The following DCT variants were observed in gnomAD, a reference collection of about 807,000 sequenced individuals.
DCT encodes L-dopachrome tautomerase.
A neutral mutation model predicts 53.0 loss-of-function variants in DCT; 47 were observed. That is an observed-to-expected ratio of 0.89 (90% CI 0.70 to 1.13). The LOEUF (loss-of-function observed/expected upper bound fraction) is 1.13, where lower values mean the gene tolerates loss of function less well. Among genes scored for constraint, DCT ranks in the 50% most tolerant of loss-of-function variants. DCT has a pLI of 0.00. For missense variants in DCT, 669 were observed against 637.4 expected, an observed-to-expected ratio of 1.05 and a Z score of -0.53; for synonymous variants, 244 against 237.0, an observed-to-expected ratio of 1.03 and a Z score of -0.27.
chr13:94,437,424 A>C lies in DCT; in HGVS notation c.*2474T>G, dbSNP rs1881969100. ...TTAACAATGTTAAATCCTAAGCAAG[A>C]TACAAATGTCAATTTTAGAATTAGA... On this transcript the variant is annotated 3_prime_UTR_variant, in exon 8 of 8. Coordinates refer to ENST00000377028, the MANE Select transcript of DCT (RefSeq NM_001922.5). 6.6e-6 allele frequency: 1 copy of C among 152,244 alleles called. No homozygotes were observed. Among genetic ancestry groups the C allele is most frequent in the African/African-American group, 2.4e-5 (1 of 41,462 alleles). The allele number at this position is 152,244 out of a possible 1,614,324, so 9.4% of individuals were successfully genotyped here.
the DCT span, among the ~76,000 whole-genome samples, chr13:94,526,388 G>A: frequency 1.3e-5 from 2 of 152,162 alleles, no homozygotes; most frequent in Admixed American, 6.5e-5. Context: ...ATATTAAAAG[G>A]CAATTCCAAG....
At chr13:94,541,102 T>C in the DCT span, among the ~76,000 whole-genome samples, 1 of 152,086 alleles carries the variant, frequency 6.6e-6, no homozygotes, top group Non-Finnish European at 1.5e-5. Context: ...GTTATGGAGA[T>C]AGAGAGTAGA....
At chr13:94,508,329 T>G in the DCT span, among the ~76,000 whole-genome samples, 2 of 152,186 alleles carry the variant, frequency 1.3e-5, no homozygotes, top group African/African-American at 2.4e-5. Flanking sequence ...GAGAAAGAGC[T>G]AGGTGGGTTA....
chr13:94,446,627 C>A (rs867014776), intron 6 of DCT, among the ~76,000 whole-genome samples: 1 of 152,164 alleles, frequency 6.6e-6, no homozygotes, highest in Non-Finnish European at 1.5e-5. Context: ...AGACAACAGG[C>A]ATTTGTCTTA....
the DCT span, among the ~76,000 whole-genome samples, chr13:94,513,091 T>C: frequency 1.3e-5 from 2 of 152,368 alleles, no homozygotes; most frequent in South Asian, 2.1e-4. Flanking sequence ...CACAAAGGGC[T>C]GGTTTCTTCA....
At chr13:94,484,406 C>T (rs1388617572), upstream of DCT, among the ~76,000 whole-genome samples, 2 of 152,226 alleles carry the variant, frequency 1.3e-5, no homozygotes, top group African/African-American at 4.8e-5. Flanking sequence ...ATATAGCTTT[C>T]ACAAGGCTGC....
At chr13:94,518,368 T>C in the DCT span, among the ~76,000 whole-genome samples, 3 of 152,224 alleles carry the variant, frequency 2.0e-5, no homozygotes, top group African/African-American at 4.8e-5. Context: ...CAACTCAACA[T>C]GGAAGTCACA....
the DCT span, among the ~76,000 whole-genome samples, chr13:94,519,394 T>A: frequency 6.6e-6 from 1 of 151,946 alleles, no homozygotes; most frequent in Non-Finnish European, 1.5e-5. Flanking sequence ...AGCTTGGGAG[T>A]TATAAAAGAT....
At chr13:94,516,594 G>T in the DCT span, among the ~76,000 whole-genome samples, 2 of 152,030 alleles carry the variant, frequency 1.3e-5, no homozygotes, top group Non-Finnish European at 2.9e-5. Flanking sequence ...GTCTTTAAGA[G>T]GTTGTCAGGT....
chr13:94,451,469 A>G (rs1345278338), intron 6 of DCT, among the ~76,000 whole-genome samples: 1 of 152,194 alleles, frequency 6.6e-6, no homozygotes, highest in Non-Finnish European at 1.5e-5. Flanking sequence ...GAGATTTTTG[A>G]ATAGGAAACT....
At chr13:94,497,023 G>A in the DCT span, among the ~76,000 whole-genome samples, 25 of 152,284 alleles carry the variant, frequency 1.6e-4, no homozygotes, top group East Asian at 4.6e-3. Context: ...AATCTGTGTT[G>A]GTTAATTTTA....
chr13:94,484,269 C>G (rs1885571281), upstream of DCT, among the ~76,000 whole-genome samples: 2 of 152,196 alleles, frequency 1.3e-5, no homozygotes, highest in Non-Finnish European at 2.9e-5. Context: ...TGGCAAAAAG[C>G]AAGTCCGCGG....
At chr13:94,477,205 C>T (rs1205528880) in intron 1 of DCT, among the ~76,000 whole-genome samples, 2 of 152,102 alleles carry the variant, frequency 1.3e-5, no homozygotes, top group African/African-American at 4.8e-5. Context: ...AAGAGATTCT[C>T]CTGTCTCAGC....
In DCT at chr13:94,457,493, T is replaced by G. The variant is rs1446540372; in HGVS notation, c.1179+2598A>C. Among the ~76,000 whole-genome samples the G allele has an allele frequency of 2.0e-5, 3 of 152,284 alleles. No individual in the cohort carries two copies. In the South Asian group the frequency reaches 6.2e-4, roughly 32 times the overall value. On this transcript the variant is annotated intron_variant, in intron 6 of 7. Transcript: ENST00000377028. ...CCTCTAGAACTGTGGGATATAAATT[T>G]CTGTTGTTTAAGCCATCCAATCTGT...
At chr13:94,541,076 G>A in the DCT span, among the ~76,000 whole-genome samples, 3 of 152,184 alleles carry the variant, frequency 2.0e-5, no homozygotes, top group African/African-American at 7.2e-5. Context: ...TCATATGTGG[G>A]AGCTAAAAAA....
chr13:94,494,768 T>C, the DCT span, among the ~76,000 whole-genome samples: 1 of 152,226 alleles, frequency 6.6e-6, no homozygotes, highest in Non-Finnish European at 1.5e-5. Flanking sequence ...TGTTGATATT[T>C]ATACATTTAA....
At chr13:94,498,658 T>C in the DCT span, among the ~76,000 whole-genome samples, 1 of 152,228 alleles carries the variant, frequency 6.6e-6, no homozygotes, top group Non-Finnish European at 1.5e-5. Context: ...TACAGCAGCC[T>C]GAACTATGAC....
Position 94,468,740 on chromosome 13 carries a change from A to G in DCT, c.595+6T>C, listed in dbSNP as rs201499586. 1 of 1,609,960 alleles carries G rather than the reference A, an allele frequency of 6.2e-7. No individual in the cohort carries two copies. Among genetic ancestry groups the G allele is most frequent in the Non-Finnish European group, 8.5e-7 (1 of 1,177,404 alleles). On this transcript the variant is annotated splice_donor_region_variant and intron_variant, in intron 2 of 7. Transcript: ENST00000377028. Reference sequence around the variant, plus strand: ...TAATATACCTTCAGCCAAGGAAAAAACCCACCTAATAATGTATCTCTAACA... The same window carrying G: ...TAATATACCTTCAGCCAAGGAAAAAGCCCACCTAATAATGTATCTCTAACA...
intron 1 of DCT, 94 bp from the exon 2 acceptor site, chr13:94,469,139 A>C (rs1489650518): frequency 9.3e-7 from 1 of 1,077,680 alleles, no homozygotes; most frequent in African/African-American, 1.6e-5. Flanking sequence ...ATGGAAGAGA[A>C]GATGAAGGTG....
Sources: allele counts gnomAD v4.1 joint callset (sites outside exome capture counted in the v4.1 genomes callset), GRCh38; gene constraint gnomAD v4.1.1; transcripts MANE v1.5; gene names NCBI Gene and HGNC (gene_info 2026-07-23, HGNC 2026-07-21).